The following ART3 variants were observed in gnomAD, a reference collection of about 807,000 sequenced individuals.
ART3 encodes ecto-ADP-ribosyltransferase 3.
Under a neutral mutation model 48.5 loss-of-function variants are expected in ART3, and 49 were observed. That is an observed-to-expected ratio of 1.01 (90% CI 0.80 to 1.28). The LOEUF is 1.28. ART3 is among the 50% of genes most tolerant of loss of function. ART3 has a pLI of 0.00. For missense variants in ART3, 438 were observed against 454.3 expected (o/e 0.96, Z 0.33); for synonymous variants, 145 against 157.2 (o/e 0.92, Z 0.58).
intron 8 of ART3, among the ~76,000 whole-genome samples, chr4:76,103,719 G>A (rs1230341525): frequency 5.9e-5 from 9 of 152,128 alleles, no homozygotes; most frequent in South Asian, 2.1e-4. Context: ...GGGTTAGATC[G>A]TGGAAGTTCT....
At chr4:76,083,321 T>A (rs775739404) in intron 3 of ART3, among the ~76,000 whole-genome samples, 1 of 152,248 alleles carries the variant, frequency 6.6e-6, no homozygotes, top group Non-Finnish European at 1.5e-5. Flanking sequence ...TGTTTCCAAG[T>A]AAATAACATG....
intron 11 of ART3, chr4:76,112,095 ATGGTAGGC>A (rs1729603735): frequency 3.3e-6 from 1 of 302,232 alleles, no homozygotes; most frequent in Non-Finnish European, 6.0e-6. Context: ...CTTCCAGTTA[ATGGTAGGC>A]TATTAGTAGT....
intron 1 of ART3, among the ~76,000 whole-genome samples, chr4:76,026,481 C>G (rs951534925): frequency 1.3e-5 from 2 of 152,190 alleles, no homozygotes; most frequent in Non-Finnish European, 2.9e-5. Flanking sequence ...TCCATTTGTT[C>G]ATCAGATTTC....
chr4:76,013,615 A>G (rs924829904), intron 1 of ART3, among the ~76,000 whole-genome samples: 1 of 152,256 alleles, frequency 6.6e-6, no homozygotes, highest in Non-Finnish European at 1.5e-5. Flanking sequence ...TCTCAGTAAT[A>G]CAACAGTGAT....
chr4:76,087,690 CTT>C (rs1723915470), intron 3 of ART3, among the ~76,000 whole-genome samples: 1 of 151,996 alleles, frequency 6.6e-6, no homozygotes, highest in Non-Finnish European at 1.5e-5. Context: ...TAGCTGAAAA[CTT>C]TGTTCGTTAG....
intron 1 of ART3, among the ~76,000 whole-genome samples, chr4:76,061,629 T>C (rs1378573319): frequency 2.0e-5 from 3 of 152,224 alleles, no homozygotes; most frequent in Non-Finnish European, 4.4e-5. Context: ...TATGATCTGA[T>C]TCCTCTTTCC....
chr4:76,081,175 T>C (rs570671237), intron 2 of ART3, among the ~76,000 whole-genome samples: 8 of 152,326 alleles, frequency 5.3e-5, no homozygotes, highest in African/African-American at 1.7e-4. Context: ...TGTTGCTTTA[T>C]TTTAAGACAG....
chr4:76,069,493 G>A (rs912965664), intron 1 of ART3, among the ~76,000 whole-genome samples: 4 of 147,348 alleles, frequency 2.7e-5, no homozygotes, highest in African/African-American at 1.0e-4. Context: ...GGGTTCAAGC[G>A]ATTTTCCTGC....
In ART3 at chr4:76,112,540, T is replaced by C; in HGVS notation, c.*21T>C. On this transcript the variant is annotated 3_prime_UTR_variant, in exon 12 of 12. Transcript: ENST00000355810. ...TGTAGTTTGATGCATTGTTTATCTT[T>C]CTTATTCTTTACTTGAAATAACTAT... 1 of 1,599,666 alleles carries C rather than the reference T, an allele frequency of 6.3e-7. No homozygotes were observed. Among genetic ancestry groups the C allele is most frequent in the East Asian group, 2.3e-5 (1 of 44,418 alleles).
chr4:76,110,083 A>T (rs1214800290), intron 11 of ART3, among the ~76,000 whole-genome samples: 1 of 150,050 alleles, frequency 6.7e-6, no homozygotes, highest in Non-Finnish European at 1.5e-5. Context: ...TTTCTCCAGC[A>T]GTGTATGTAT....
chr4:76,104,204 G>A (rs116395774), intron 9 of ART3: 5,407 of 438,768 alleles, frequency 0.012, 225 homozygotes, highest in African/African-American at 0.095. Context: ...TGCTCTGGAT[G>A]TTGCTGAGGG....
At chr4:76,055,915 G>C (rs1035057944) in intron 1 of ART3, among the ~76,000 whole-genome samples, 5 of 152,174 alleles carry the variant, frequency 3.3e-5, no homozygotes, top group African/African-American at 7.2e-5. Flanking sequence ...AGAGAAGCCT[G>C]TGTTATTTTC....
At chr4:76,018,868 A>T (rs1022380792) in intron 1 of ART3, among the ~76,000 whole-genome samples, 1 of 151,954 alleles carries the variant, frequency 6.6e-6, no homozygotes, top group African/African-American at 2.4e-5. Context: ...TATTTGTATT[A>T]TCTACCAAAA....
chr4:76,083,052 G>A (rs1449824321), intron 3 of ART3, among the ~76,000 whole-genome samples: 8 of 152,174 alleles, frequency 5.3e-5, no homozygotes, highest in Non-Finnish European at 1.2e-4. Flanking sequence ...TTAAAAATTA[G>A]CCAGGCATGG....
chr4:76,065,552 AAC>A (rs56794781), intron 1 of ART3, among the ~76,000 whole-genome samples: 65 of 145,234 alleles, frequency 4.5e-4, no homozygotes, highest in Middle Eastern at 3.5e-3. Flanking sequence ...ATAACCCTCC[AAC>A]ACACACACAC....
At chr4:76,072,741 C>G (rs2149509225), upstream of ART3, among the ~76,000 whole-genome samples, 1 of 150,824 alleles carries the variant, frequency 6.6e-6, no homozygotes, top group African/African-American at 2.5e-5. Flanking sequence ...GTCTTCCCAC[C>G]ACCCCCTTAC....
At position 76,025,393 on chromosome 4, in the gene ART3, T is replaced by C. The variant is rs531964624; in HGVS notation, c.-10+14073T>C. On this transcript the variant is annotated intron_variant, in intron 1 of 9. Transcript: ENST00000341029. ...TAAGTTGTCAGCTAAAATGTCTCTA[T>C]ATAGAAGACAATGTAAAAAGGAGAT... 3.3e-5 allele frequency among the ~76,000 whole-genome samples: 5 copies of C among 152,336 alleles called. No individual in the cohort carries two copies. In the South Asian group the frequency reaches 6.2e-4, roughly 19 times the overall value.
chr4:76,063,864 T>G (rs1427992335), intron 1 of ART3, among the ~76,000 whole-genome samples: 2 of 152,182 alleles, frequency 1.3e-5, no homozygotes, highest in Non-Finnish European at 2.9e-5. Flanking sequence ...GAACCTAGAA[T>G]TATATACTAG....
chr4:76,038,673 G>T (rs1164238125), intron 1 of ART3, among the ~76,000 whole-genome samples: 3 of 152,108 alleles, frequency 2.0e-5, no homozygotes, highest in Non-Finnish European at 4.4e-5. Flanking sequence ...TCTAGAGTCA[G>T]CCTGTGTTCA....
Sources: allele counts gnomAD v4.1 joint callset (sites outside exome capture counted in the v4.1 genomes callset), GRCh38; gene constraint gnomAD v4.1.1; transcripts MANE v1.5; gene names NCBI Gene and HGNC (gene_info 2026-07-23, HGNC 2026-07-21).